The following TAMM41 variants were observed in gnomAD, a reference collection of about 807,000 sequenced individuals.
TAMM41 encodes the protein TAM41 mitochondrial translocator assembly and maintenance homolog.
In TAMM41, 36 loss-of-function variants were observed where a neutral mutation model predicts 44.1. The ratio of observed to expected loss-of-function variants is 0.82; its 90% CI spans 0.63 to 1.08. The LOEUF (loss-of-function observed/expected upper bound fraction) is 1.08, where lower values mean the gene tolerates loss of function less well. Among genes scored for constraint, TAMM41 ranks in the 50% least tolerant of loss-of-function variants. TAMM41 has a pLI of 0.00. For missense variants in TAMM41, 417 were observed against 404.3 expected (o/e 1.03, Z -0.27); for synonymous variants, 164 against 153.1 (o/e 1.07, Z -0.53).
At chr3:11,758,877 C>A in the TAMM41 span, among the ~76,000 whole-genome samples, 1 of 151,266 alleles carries the variant, frequency 6.6e-6, no homozygotes, top group Non-Finnish European at 1.5e-5. Flanking sequence ...TTTCGCCATG[C>A]TGGCCAGGCT....
the TAMM41 span, among the ~76,000 whole-genome samples, chr3:11,737,800 G>C: frequency 6.6e-6 from 1 of 152,216 alleles, no homozygotes; most frequent in South Asian, 2.1e-4. Flanking sequence ...TGACATGACA[G>C]ATGATACGAT....
chr3:11,817,595 C>T (rs2078334991), intron 4 of TAMM41, among the ~76,000 whole-genome samples: 1 of 152,216 alleles, frequency 6.6e-6, no homozygotes, highest in Non-Finnish European at 1.5e-5. Context: ...AAGGTAATCA[C>T]AAGCGAGTAG....
At chr3:11,838,703 T>C (rs1006024942) in intron 3 of TAMM41, among the ~76,000 whole-genome samples, 8 of 121,456 alleles carry the variant, frequency 6.6e-5, no homozygotes, top group African/African-American at 9.6e-5. Context: ...CAGAACCCCC[T>C]TTTTTTTATG....
At chr3:11,743,017 A>G in the TAMM41 span, among the ~76,000 whole-genome samples, 1 of 150,912 alleles carries the variant, frequency 6.6e-6, no homozygotes, top group African/African-American at 2.5e-5. Context: ...TGGGGAGTGT[A>G]GGCCCCCCCA....
the TAMM41 span, among the ~76,000 whole-genome samples, chr3:11,734,878 CAAA>C: frequency 4.8e-4 from 35 of 73,268 alleles, no homozygotes; most frequent in African/African-American, 1.1e-3. Flanking sequence ...TACTAAAATA[CAAA>C]AAAAAAAAAA....
At chr3:11,845,118 C>T (rs1346935943) in intron 1 of TAMM41, 9 of 391,714 alleles carry the variant, frequency 2.3e-5, no homozygotes, top group Middle Eastern at 4.6e-4. Flanking sequence ...CACATTTATG[C>T]GGTGGGAGAT....
rs2079727597 is a variant in TAMM41 at position 11,846,851 on chromosome 3, C to T, written c.-215G>A. Reference sequence around the variant, plus strand: ...CGAGAAGACGCAGCCCAGATAGGCTCGGGTGGGCGGCGGTCGCACAGGCAG... The same window carrying T: ...CGAGAAGACGCAGCCCAGATAGGCTTGGGTGGGCGGCGGTCGCACAGGCAG... On this transcript the variant is annotated 5_prime_UTR_variant, in exon 1 of 8. Transcript: ENST00000455809. 1.7e-6 allele frequency: 1 copy of T among 588,970 alleles called. No individual in the cohort carries two copies. Among genetic ancestry groups the T allele is most frequent in the East Asian group, 3.0e-5 (1 of 32,900 alleles). 36.5% of individuals were successfully genotyped at this position (588,970 alleles called of 1,614,324 possible). A position where few individuals can be genotyped will look rare whatever the true frequency, so the allele number is the denominator to read the frequency against.
intron 3 of TAMM41, chr3:11,833,301 T>A: frequency 2.3e-6 from 1 of 438,112 alleles, no homozygotes. Flanking sequence ...TAAAGGGACT[T>A]TCAAAGGAGA....
chr3:11,808,343 G>A (rs1381398306), intron 6 of TAMM41: 3 of 1,008,608 alleles, frequency 3.0e-6, no homozygotes, highest in Non-Finnish European at 3.5e-6. Flanking sequence ...ACCTCAAAGA[G>A]ACGGCCCAGA....
chr3:11,751,320 G>A, the TAMM41 span, among the ~76,000 whole-genome samples: 2 of 152,072 alleles, frequency 1.3e-5, no homozygotes, highest in Admixed American at 6.6e-5. Flanking sequence ...TCGAACTCCC[G>A]ACCTCAAGTG....
At chr3:11,728,283 C>T in the TAMM41 span, among the ~76,000 whole-genome samples, 7 of 152,304 alleles carry the variant, frequency 4.6e-5, no homozygotes, top group East Asian at 3.9e-4. Flanking sequence ...CACTGCTTTC[C>T]GCACTGAATT....
chr3:11,784,796 C>A, the TAMM41 span, among the ~76,000 whole-genome samples: 3 of 109,034 alleles, frequency 2.8e-5, no homozygotes, highest in African/African-American at 1.1e-4. Flanking sequence ...CTTTTCTTTT[C>A]TTTTTTTTTT....
At chr3:11,815,744 C>G (rs1487249059) in intron 5 of TAMM41, among the ~76,000 whole-genome samples, 2 of 152,026 alleles carry the variant, frequency 1.3e-5, no homozygotes, top group African/African-American at 2.4e-5. Flanking sequence ...AAATCCCCTT[C>G]TTCCAGGATG....
At chr3:11,801,217 T>C (rs982637021) in intron 7 of TAMM41, among the ~76,000 whole-genome samples, 4 of 151,402 alleles carry the variant, frequency 2.6e-5, no homozygotes, top group East Asian at 1.9e-4. Flanking sequence ...TCTCAGACAA[T>C]AGTAGAATAA....
At chr3:11,817,399 C>T (rs2078327410) in intron 4 of TAMM41, 62 bp from the exon 5 acceptor site, 22 of 1,537,516 alleles carry the variant, frequency 1.4e-5, no homozygotes, top group Middle Eastern at 2.2e-4. Context: ...GACCTATGAA[C>T]GACGCTCCCC....
At chr3:11,814,320 C>CA (rs1559287941) in intron 5 of TAMM41, among the ~76,000 whole-genome samples, 1 of 151,862 alleles carries the variant, frequency 6.6e-6, no homozygotes, top group African/African-American at 2.4e-5. Context: ...GAGAACAAGA[C>CA]AAAATCTTCA....
At chr3:11,789,381 G>A (rs1356295272), downstream of TAMM41, among the ~76,000 whole-genome samples, 2 of 152,240 alleles carry the variant, frequency 1.3e-5, no homozygotes, top group Non-Finnish European at 2.9e-5. Context: ...TACAGAGTGT[G>A]AGGTGGGACA....
the TAMM41 span, among the ~76,000 whole-genome samples, chr3:11,761,668 C>T: frequency 9.9e-5 from 15 of 152,210 alleles, no homozygotes; most frequent in Admixed American, 1.3e-4. Flanking sequence ...CTTCCCCTTC[C>T]GGGCGCGGTG....
chr3:11,749,449 G>T, the TAMM41 span, among the ~76,000 whole-genome samples: 1 of 152,188 alleles, frequency 6.6e-6, no homozygotes, highest in African/African-American at 2.4e-5. Context: ...AGGGTCCCCA[G>T]GAGAGCCCTC....
Sources: gnomAD v4.1 joint callset for allele counts (sites outside exome capture counted in the v4.1 genomes callset) on GRCh38, gnomAD v4.1.1 for gene constraint, MANE v1.5 for transcripts, NCBI Gene and HGNC (gene_info 2026-07-23, HGNC 2026-07-21) for gene names.